Variants in CDH13 observed in about 807,000 individuals in gnomAD.
CDH13 encodes the protein cadherin-13.
A neutral mutation model predicts 63.8 loss-of-function variants in CDH13; 24 were observed. The ratio of observed to expected loss-of-function variants is 0.38; its 90% CI spans 0.27 to 0.53. The LOEUF (loss-of-function observed/expected upper bound fraction) is 0.53. Ranked by LOEUF, CDH13 falls within the 20% of genes least tolerant of loss-of-function variation. The pLI, the probability that CDH13 is intolerant of heterozygous loss-of-function variation, is 0.85. For synonymous variants in CDH13, 503 were observed against 355.3 expected (o/e 1.42, Z -4.67); for missense variants, 1,049 against 903.1 (o/e 1.16, Z -2.07).
chr16:82,703,456 T>C (rs549449165), intron 1 of CDH13, among the ~76,000 whole-genome samples: 5 of 152,220 alleles, frequency 3.3e-5, no homozygotes, highest in African/African-American at 7.2e-5. Flanking sequence ...AGATGGAGGA[T>C]AAATTTCCCC....
At chr16:82,941,827 C>T (rs578048853) in intron 2 of CDH13, among the ~76,000 whole-genome samples, 1 of 152,254 alleles carries the variant, frequency 6.6e-6, no homozygotes, top group South Asian at 2.1e-4. Flanking sequence ...CATTGAGTTC[C>T]AGTCTCAAGC....
chr16:83,453,588 G>A (rs1047921843), intron 6 of CDH13, among the ~76,000 whole-genome samples: 5 of 152,078 alleles, frequency 3.3e-5, no homozygotes, highest in African/African-American at 9.7e-5. Flanking sequence ...CGAAGTGGAC[G>A]GAGTCAGGGC....
chr16:83,743,691 A>G (rs148206892), intron 10 of CDH13, among the ~76,000 whole-genome samples: 110 of 145,802 alleles, frequency 7.5e-4, no homozygotes, highest in African/African-American at 2.6e-3. Context: ...ACCACTACCA[A>G]TCACTCCTGG....
At chr16:83,785,844 A>C (rs1268399695) in intron 13 of CDH13, among the ~76,000 whole-genome samples, 1 of 152,156 alleles carries the variant, frequency 6.6e-6, no homozygotes, top group Non-Finnish European at 1.5e-5. Flanking sequence ...GTCCGAAGAC[A>C]CTGGGAAATC....
At position 83,242,574 on chromosome 16, in the gene CDH13, G is replaced by A. The variant is rs546731824; in HGVS notation, c.636+25077G>A. Among the ~76,000 whole-genome samples, 17 of 152,286 alleles carry A rather than the reference G, an allele frequency of 1.1e-4. No homozygotes were observed. The South Asian group carries it at 3.5e-3, about 32-fold the overall frequency. ...GGTGACATACAGGTCCAGGCAGAGTGAGCCAACCAACATCACTTGCAAGAT... is the reference window on the plus strand; with the variant it reads ...GGTGACATACAGGTCCAGGCAGAGTAAGCCAACCAACATCACTTGCAAGAT... On this transcript the variant is annotated intron_variant, in intron 5 of 13. Transcript: ENST00000567109.
At chr16:83,752,129 T>C (rs1365179802) in intron 11 of CDH13, among the ~76,000 whole-genome samples, 1 of 152,230 alleles carries the variant, frequency 6.6e-6, no homozygotes, top group Non-Finnish European at 1.5e-5. Context: ...GGCAGGGTTC[T>C]GTAGTATGTA....
In CDH13 at chr16:82,629,447, G is replaced by A. The variant is rs77152070; in HGVS notation, c.45+2310G>A. ...TCCAGTTAACCAGCAAGAAGTTCAC[G>A]TGCAGAACTCTGTGTGCCATAGAAA... On this transcript the variant is annotated intron_variant, in intron 1 of 13. Transcript: ENST00000567109. Among the ~76,000 whole-genome samples, 1,009 of 152,268 alleles carry A rather than the reference G, an allele frequency of 6.6e-3. 9 individuals carry two copies. The highest frequency in any genetic ancestry group is 0.023 in the African/African-American group (972 of 41,552).
chr16:83,188,426 G>T (rs2038592325), intron 4 of CDH13, among the ~76,000 whole-genome samples: 1 of 152,064 alleles, frequency 6.6e-6, no homozygotes, highest in African/African-American at 2.4e-5. Flanking sequence ...TGCAAACCAG[G>T]CTCTGCGCCT....
chr16:83,409,291 A>G (rs113451086), intron 6 of CDH13, among the ~76,000 whole-genome samples: 17,404 of 152,198 alleles, frequency 0.11, 1,281 homozygotes, highest in Middle Eastern at 0.18. Context: ...GACTGATTGA[A>G]GGCTGCTGCT....
intron 9 of CDH13, among the ~76,000 whole-genome samples, chr16:83,672,351 ATCT>A (rs1449600681): frequency 2.1e-5 from 3 of 141,278 alleles, no homozygotes; most frequent in Admixed American, 7.3e-5. Context: ...ATAGATGTCC[ATCT>A]TCTTCTCTCT....
intron 3 of CDH13, among the ~76,000 whole-genome samples, chr16:83,112,397 A>G (rs1366927653): frequency 6.6e-6 from 1 of 152,232 alleles, no homozygotes; most frequent in African/African-American, 2.4e-5. Flanking sequence ...AGACAGAGAG[A>G]AAAAGAGAGA....
intron 3 of CDH13, among the ~76,000 whole-genome samples, chr16:83,097,056 T>G (rs2034241293): frequency 6.6e-6 from 1 of 152,200 alleles, no homozygotes; most frequent in African/African-American, 2.4e-5. Context: ...CCACTCTCCC[T>G]TGTCACTTTT....
At chr16:83,331,745 C>A (rs2090484647) in intron 5 of CDH13, among the ~76,000 whole-genome samples, 1 of 152,084 alleles carries the variant, frequency 6.6e-6, no homozygotes, top group Non-Finnish European at 1.5e-5. Context: ...AGAATTTGTA[C>A]TTCTTAACAT....
intron 6 of CDH13, among the ~76,000 whole-genome samples, chr16:83,456,218 T>A (rs2073021131): frequency 6.6e-6 from 1 of 152,224 alleles, no homozygotes; most frequent in Non-Finnish European, 1.5e-5. Flanking sequence ...CTGGAGATAG[T>A]GCCAGACAAA....
intron 2 of CDH13, among the ~76,000 whole-genome samples, chr16:83,019,434 A>G (rs1915129630): frequency 6.6e-6 from 1 of 151,440 alleles, no homozygotes; most frequent in Non-Finnish European, 1.5e-5. Context: ...TATGATATCA[A>G]TGCCTTCTTC....
intron 1 of CDH13, among the ~76,000 whole-genome samples, chr16:82,813,270 G>A (rs554467586): frequency 6.6e-5 from 10 of 152,282 alleles, no homozygotes; most frequent in African/African-American, 2.4e-4. Flanking sequence ...CATCCTTGGG[G>A]AAGGAGATGG....
At chr16:83,581,653 A>G (rs1036098806) in intron 7 of CDH13, among the ~76,000 whole-genome samples, 1 of 152,134 alleles carries the variant, frequency 6.6e-6, no homozygotes, top group Admixed American at 6.5e-5. Flanking sequence ...TCCCGTCTCT[A>G]CAACAAAATG....
At chr16:83,415,145 CA>C (rs984340235) in intron 6 of CDH13, among the ~76,000 whole-genome samples, 4 of 148,324 alleles carry the variant, frequency 2.7e-5, no homozygotes, top group African/African-American at 7.5e-5. Flanking sequence ...AGTTCCCTGC[CA>C]AAAAAAATGA....
chr16:83,546,737 T>C (rs959415687), intron 7 of CDH13, among the ~76,000 whole-genome samples: 1 of 152,174 alleles, frequency 6.6e-6, no homozygotes, highest in Non-Finnish European at 1.5e-5. Flanking sequence ...ACACCAGCCA[T>C]CTGCATAACA....
Sources: gnomAD v4.1 joint callset for allele counts (sites outside exome capture counted in the v4.1 genomes callset) on GRCh38, gnomAD v4.1.1 for gene constraint, MANE v1.5 for transcripts, NCBI Gene and HGNC (gene_info 2026-07-23, HGNC 2026-07-21) for gene names.